The following IQSEC2 variants were observed in gnomAD, a reference collection of about 807,000 sequenced individuals.
IQSEC2 encodes IQ motif and Sec7 domain ArfGEF 2, also known as IQ motif and SEC7 domain-containing protein 2.
Under a neutral mutation model 74.6 loss-of-function variants are expected in IQSEC2, and 6 were observed. The observed-to-expected ratio is 0.08, with a 90% CI of 0.04 to 0.16. The LOEUF (loss-of-function observed/expected upper bound fraction) is 0.16. IQSEC2 is among the 10% of genes least tolerant of loss of function. The pLI, the probability that IQSEC2 is intolerant of heterozygous loss-of-function variation, is 1.00. For synonymous variants in IQSEC2, 494 were observed against 544.5 expected, an observed-to-expected ratio of 0.91 and a Z score of 1.29; for missense variants, 734 against 1,306.2, an observed-to-expected ratio of 0.56 and a Z score of 6.75.
In IQSEC2 at chrX:53,233,421, G is replaced by C. The variant is rs980396157; in HGVS notation, c.*798C>G. The C allele has an allele frequency of 8.8e-6, 1 of 113,554 alleles. No individual in the cohort carries two copies. The highest frequency in any genetic ancestry group is 1.8e-5 in the Non-Finnish European group (1 of 54,169). The allele number at this position is 113,554 out of a possible 1,213,427, so 9.4% of individuals were successfully genotyped here. ...GGTGGGGTAGGTGTAAGGGAATGGC[G>C]GGGGGGCATGCAATATGGGTGAGGG... On this transcript the variant is annotated 3_prime_UTR_variant, in exon 15 of 15. Coordinates refer to ENST00000642864, the MANE Select transcript of IQSEC2 (RefSeq NM_001111125.3).
intron 1 of IQSEC2, among the ~76,000 whole-genome samples, chrX:53,317,511 G>A (rs782108161): frequency 8.9e-6 from 1 of 111,957 alleles, no homozygotes; most frequent in Non-Finnish European, 1.9e-5. Flanking sequence ...TCACTTCTCT[G>A]ATCCCCCAGT....
At chrX:53,254,260 G>T (rs1460965062) in intron 4 of IQSEC2, among the ~76,000 whole-genome samples, 1 of 107,740 alleles carries the variant, frequency 9.3e-6, no homozygotes, top group Non-Finnish European at 1.9e-5. Context: ...AACCCAGGAG[G>T]CAGAGGTTAC....
intron 3 of IQSEC2, 118 bp from the exon 4 acceptor site, chrX:53,255,049 G>C: frequency 1.4e-6 from 1 of 710,965 alleles, no homozygotes; most frequent in South Asian, 2.4e-5. Flanking sequence ...GCCACCGAGA[G>C]CGCCAGGCTA....
At chrX:53,260,466 G>A (rs1556866290) in intron 2 of IQSEC2, among the ~76,000 whole-genome samples, 1 of 111,873 alleles carries the variant, frequency 8.9e-6, no homozygotes, top group Non-Finnish European at 1.9e-5. Context: ...GTGAGCAGAG[G>A]AGGGACATGA....
At chrX:53,236,215 C>T in intron 13 of IQSEC2, 107 bp downstream of exon 13, 8 of 877,331 alleles carry the variant, frequency 9.1e-6, no homozygotes, top group Admixed American at 2.6e-5. Flanking sequence ...AGGCAGGGTG[C>T]GTGCATGTGT....
intron 9 of IQSEC2, 63 bp from the exon 10 acceptor site, chrX:53,241,972 A>T: frequency 8.6e-7 from 1 of 1,166,923 alleles, no homozygotes; most frequent in Non-Finnish European, 1.2e-6. Context: ...GCCTCCTGGC[A>T]CCTTAACTTT....
intron 1 of IQSEC2, among the ~76,000 whole-genome samples, chrX:53,293,810 C>G (rs2075125403): frequency 2.7e-5 from 3 of 112,366 alleles, no homozygotes; most frequent in Admixed American, 9.4e-5. Context: ...ACCCCCACCA[C>G]CACTGTGAAC....
chrX:53,255,938 T>G lies in IQSEC2; in HGVS notation c.861A>C (p.Gly287=). ...SSSHMGGPPA[G]VGLPWAQRAR... ...CCCGCTGAGCCCAGGGAAGGCCCAC[T>G]CCAGCAGGGGGGCCCCCCATGTGGC... Residue 287 remains glycine, a synonymous_variant, in exon 3 of 15, where the codon GGA becomes GGC. Transcript: ENST00000642864. The G allele has an allele frequency of 8.3e-7, 1 of 1,201,353 alleles. No individual in the cohort carries two copies. Among genetic ancestry groups the G allele is most frequent in the African/African-American group, 1.7e-5 (1 of 57,691 alleles).
At chrX:53,255,598 G>A (rs1375281820) in intron 3 of IQSEC2, among the ~76,000 whole-genome samples, 1 of 111,372 alleles carries the variant, frequency 9.0e-6, no homozygotes, top group African/African-American at 3.3e-5. Context: ...CTCAGTAAAT[G>A]TTTCTTGAGT....
intron 1 of IQSEC2, among the ~76,000 whole-genome samples, chrX:53,306,932 G>A (rs2146490697): frequency 9.0e-6 from 1 of 111,342 alleles, no homozygotes; most frequent in East Asian, 2.8e-4. Flanking sequence ...GAGAGGGTAG[G>A]AGGAACCACG....
intron 2 of IQSEC2, 95 bp downstream of exon 2, chrX:53,291,800 C>A: frequency 7.3e-6 from 6 of 824,761 alleles, no homozygotes; most frequent in Non-Finnish European, 1.0e-5. Flanking sequence ...GTTGGCCCCT[C>A]CCCTTGCCCA....
chrX:53,236,902 C>G (rs959602192), intron 12 of IQSEC2, among the ~76,000 whole-genome samples: 4 of 111,734 alleles, frequency 3.6e-5, no homozygotes, highest in Non-Finnish European at 5.7e-5. Flanking sequence ...TGGTAAGGCC[C>G]TTCTAGCCTA....
At chrX:53,266,313 T>C in intron 2 of IQSEC2, 1 of 719,915 alleles carries the variant, frequency 1.4e-6, no homozygotes, top group Non-Finnish European at 1.6e-6. Context: ...GGGTGGAATA[T>C]ACATCAGACA....
chrX:53,256,887 C>T (rs2074482256), intron 2 of IQSEC2, among the ~76,000 whole-genome samples: 3 of 112,296 alleles, frequency 2.7e-5, no homozygotes, highest in East Asian at 5.7e-4. Context: ...AGCTGGGCCC[C>T]GGGTCTTGCC....
At chrX:53,313,658 C>G (rs1367469657) in intron 1 of IQSEC2, among the ~76,000 whole-genome samples, 1 of 112,011 alleles carries the variant, frequency 8.9e-6, no homozygotes, top group African/African-American at 3.3e-5. Context: ...TTATGTCAAC[C>G]CTGAGATACC....
rs1302935531 is a variant in IQSEC2, at chrX:53,236,567, C to T, written c.3278-72G>A. ...TGAGAGCCCATCTGACTGACCCTAG[C>T]CCTCCATGGGCCATTCTCCTTCCTC... On this transcript the variant is annotated intron_variant, in intron 12 of 14. Coordinates refer to ENST00000642864, the MANE Select transcript of IQSEC2 (RefSeq NM_001111125.3). The T allele has an allele frequency of 3.8e-6, 4 of 1,062,538 alleles. No individual in the cohort carries two copies. In the East Asian group the frequency reaches 9.9e-5, roughly 26 times the overall value. The allele number at this position is 1,062,538 out of a possible 1,213,427, so 87.6% of individuals were successfully genotyped here.
intron 10 of IQSEC2, 61 bp from the exon 11 acceptor site, chrX:53,239,355 C>T (rs2074183257): frequency 1.4e-6 from 1 of 702,133 alleles, no homozygotes; most frequent in African/African-American, 2.1e-5. Context: ...TTCCACGTGG[C>T]ACCTATTTCT....
intron 2 of IQSEC2, among the ~76,000 whole-genome samples, chrX:53,277,943 T>G (rs2074863784): frequency 9.1e-6 from 1 of 110,284 alleles, no homozygotes; most frequent in East Asian, 2.8e-4. Context: ...AGTCCTGGGA[T>G]TACAGGCATG....
chrX:53,239,774 A>T (rs112644906), intron 10 of IQSEC2, among the ~76,000 whole-genome samples: 9 of 111,432 alleles, frequency 8.1e-5, no homozygotes, highest in African/African-American at 2.6e-4. Context: ...ACCCATGTAG[A>T]GAGTTAATAA....
Sources: allele counts gnomAD v4.1 joint callset (sites outside exome capture counted in the v4.1 genomes callset), GRCh38; gene constraint gnomAD v4.1.1; transcripts MANE v1.5; gene names NCBI Gene and HGNC (gene_info 2026-07-23, HGNC 2026-07-21).